The following FHIP1B variants were observed in gnomAD, a reference collection of about 807,000 sequenced individuals.
The protein encoded by FHIP1B is FHF complex subunit HOOK interacting protein 1B.
FHIP1B carries 28 observed loss-of-function variants against 82.2 expected under a neutral mutation model. That is an observed-to-expected ratio of 0.34 (90% confidence interval 0.25 to 0.47). The LOEUF (loss-of-function observed/expected upper bound fraction) is 0.47, where lower values mean the gene tolerates loss of function less well. Among genes scored for constraint, FHIP1B ranks in the 20% least tolerant of loss-of-function variants. The pLI, the probability that FHIP1B is intolerant of heterozygous loss-of-function variation, is 1.00. For synonymous variants in FHIP1B, 585 were observed against 516.1 expected (o/e 1.13, Z -1.81); for missense variants, 1,110 against 1,262.6 (o/e 0.88, Z 1.83).
Position 6,223,195 on chromosome 11 carries a change from C to T in FHIP1B, c.821G>A (p.Arg274Gln). Residue 274 changes from arginine (R) to glutamine (Q), a missense_variant, in exon 4 of 12, where the codon CGA (arginine) becomes CAA (glutamine). By Grantham distance (43) the Arg-to-Gln change is conservative (BLOSUM62 1). This residue lies in a region of FHIP1B where 467 missense variants were observed against 602.9 expected (regional missense o/e 0.77). Transcript: ENST00000449352. This position sits in a 1 kb window ranked among gnomAD's most constrained non-coding sequence, Gnocchi z 4.8. ...ATCATCCCCTGGAACCTCAATCTTT[C>T]GAGGCAGTGATGAGTACAGGGCACT... ...GLSALYSSLP[R>Q]KIEVPGDDWH... The T allele has an allele frequency of 1.9e-6, 3 of 1,605,770 alleles. No homozygotes were observed. The highest frequency in any genetic ancestry group is 8.5e-7 in the Non-Finnish European group (1 of 1,178,080).
intron 1 of FHIP1B, among the ~76,000 whole-genome samples, chr11:6,229,464 G>C (rs976256980): frequency 3.3e-5 from 5 of 152,176 alleles, no homozygotes; most frequent in African/African-American, 1.2e-4. Flanking sequence ...ACTGAGAAAA[G>C]AGATATAACC....
Position 6,219,052 on chromosome 11 carries a change from T to TG in FHIP1B, c.1192-3dup, listed in dbSNP as rs760167191. On this transcript the variant is annotated splice_polypyrimidine_tract_variant and splice_region_variant and intron_variant, in intron 6 of 11. Coordinates refer to ENST00000449352, the MANE Select transcript of FHIP1B (RefSeq NM_001098794.2). The stretch of plus-strand genomic sequence containing the variant: ...GAGACTCAGAGAGACCATGCAGAGC[T>TG]GGGGGGGTGGAGGGGAGGGAGGGAG... 93 of 1,600,362 alleles carry TG rather than the reference T, an allele frequency of 5.8e-5. No homozygotes were observed. The highest frequency in any genetic ancestry group is 1.3e-4 in the East Asian group (6 of 44,704).
intron 6 of FHIP1B, among the ~76,000 whole-genome samples, chr11:6,221,107 T>C (rs17238860): frequency 0.04 from 6,105 of 152,292 alleles, 129 homozygotes; most frequent in Non-Finnish European, 0.046. Flanking sequence ...CTTCAAAGAT[T>C]CACAGACGTT....
chr11:6,214,324 C>T lies in FHIP1B; in HGVS notation c.2557+87G>A, dbSNP rs962828528. 6 of 1,448,000 alleles carry T rather than the reference C, an allele frequency of 4.1e-6. No homozygotes were observed. In the African/African-American group the frequency reaches 7.1e-5, roughly 17 times the overall value. The allele number at this position is 1,448,000 out of a possible 1,614,324, so 89.7% of individuals were successfully genotyped here. A position where few individuals can be genotyped will look rare whatever the true frequency, so the allele number is the denominator to read the frequency against. On this transcript the variant is annotated intron_variant, in intron 11 of 11. Transcript: ENST00000449352. The stretch of plus-strand genomic sequence containing the variant: ...TACAACTCACTAGGTCCTGGCACAA[C>T]ATTTCACTCTTAATAAGAGCTCAAT...
intron 6 of FHIP1B, among the ~76,000 whole-genome samples, chr11:6,221,327 T>C (rs1428594056): frequency 2.0e-5 from 3 of 151,816 alleles, no homozygotes; most frequent in Non-Finnish European, 2.9e-5. Context: ...AACACATGGA[T>C]CCAGGAAACT....
intron 11 of FHIP1B, among the ~76,000 whole-genome samples, chr11:6,213,029 T>G (rs577513342): frequency 6.6e-6 from 1 of 152,358 alleles, no homozygotes; most frequent in South Asian, 2.1e-4. Flanking sequence ...TTTCTATGTC[T>G]TCTACCTCAT....
At chr11:6,227,310 TTAAA>T (rs1452891237) in intron 1 of FHIP1B, among the ~76,000 whole-genome samples, 3 of 152,038 alleles carry the variant, frequency 2.0e-5, no homozygotes, top group African/African-American at 7.3e-5. Context: ...CCCAGAGAGG[TTAAA>T]TAAATTGCCC....
At position 6,223,650 on chromosome 11, in the gene FHIP1B, G is replaced by A. The variant is rs371927425; in HGVS notation, c.737C>T (p.Thr246Ile). ...LLMALSAGSPTVGRYIADHSY... is the reference protein window; with the variant it reads ...LLMALSAGSPIVGRYIADHSY... The stretch of plus-strand genomic sequence containing the variant: ...GTGATCCGCGATGTAGCGGCCCACA[G>A]TGGGGCTCCCAGCTGACAAAGCCAT... The change falls in exon 3 of 12, where the codon ACT (threonine) becomes ATT (isoleucine). Residue 246 changes from threonine (T) to isoleucine (I), a missense_variant. Physicochemically the swap from Thr to Ile is moderately conservative, Grantham distance 89. This residue lies in a region of FHIP1B where 467 missense variants were observed against 602.9 expected (regional missense o/e 0.77). Transcript: ENST00000449352. The surrounding 1 kb of genome is among the most constrained non-coding windows in gnomAD (Gnocchi z 4.8). 5.0e-6 allele frequency: 8 copies of A among 1,610,436 alleles called. No individual in the cohort carries two copies. Among genetic ancestry groups the A allele is most frequent in the Non-Finnish European group, 6.8e-6 (8 of 1,177,968 alleles).
In FHIP1B at chr11:6,217,478, T is replaced by G. The variant is rs1049096279; in HGVS notation, c.2108A>C (p.Glu703Ala). ...GAAGCTCTCGTAGGCCTCCTCCTCC[T>G]CAAGGGGCAGTGGAGGTTCTAAGGG... ...ESPLEPPLPL[E>A]EEEAYESFTC... Residue 703 changes from glutamate to alanine, a missense_variant, in exon 9 of 12, where the codon GAG becomes GCG. Around this residue, in one of 6 missense-constraint regions of FHIP1B, gnomAD observed 418 missense variants for 371.4 expected, o/e 1.13. Coordinates refer to ENST00000449352, the MANE Select transcript of FHIP1B (RefSeq NM_001098794.2). 6.2e-7 allele frequency: 1 copy of G among 1,613,484 alleles called. No homozygotes were observed. Among genetic ancestry groups the G allele is most frequent in the Non-Finnish European group, 8.5e-7 (1 of 1,179,734 alleles).
In FHIP1B at chr11:6,217,932, G is replaced by C; in HGVS notation, c.1654C>G (p.Leu552Val). 1 of 1,612,920 alleles carries C rather than the reference G, an allele frequency of 6.2e-7. No individual in the cohort carries two copies. Among genetic ancestry groups the C allele is most frequent in the Non-Finnish European group, 8.5e-7 (1 of 1,180,028 alleles). Residue 552 changes from leucine to valine, a missense_variant, in exon 9 of 12, where the codon CTG (leucine) becomes GTG (valine). Physicochemically the swap from Leu to Val is conservative, Grantham distance 32. Transcript: ENST00000449352. ...EEPGELEDNY[L>V]EYLREARRGV... ...CGACGTGCCTCACGCAGATACTCCA[G>C]GTAATTGTCTTCCAGCTCTCCAGGC...
intron 1 of FHIP1B, among the ~76,000 whole-genome samples, chr11:6,227,639 A>C (rs1847596668): frequency 6.6e-6 from 1 of 152,230 alleles, no homozygotes; most frequent in Admixed American, 6.5e-5. Flanking sequence ...GAATAAAATC[A>C]AGACAAAAGA....
At position 6,211,759 on chromosome 11, in the gene FHIP1B, G is replaced by C; in HGVS notation, c.2666C>G (p.Ala889Gly). 1 of 1,614,220 alleles carries C rather than the reference G, an allele frequency of 6.2e-7. No individual in the cohort carries two copies. Among genetic ancestry groups the C allele is most frequent in the Middle Eastern group, 1.6e-4 (1 of 6,062 alleles). The stretch of plus-strand genomic sequence containing the variant: ...GGAGCCCCCACTTAGGCCAAGTCCT[G>C]CTCCGTCTCGCCCAGGCTGAAGGAC... ...QLVLQPGRDG[A>G]GLGLSGGSPG... Residue 889 changes from alanine (A) to glycine (G), a missense_variant, in exon 12 of 12, where the codon GCA becomes GGA. Around this residue, in one of 6 missense-constraint regions of FHIP1B, gnomAD observed 147 missense variants for 154.0 expected, o/e 0.95. Coordinates refer to ENST00000449352, the MANE Select transcript of FHIP1B (RefSeq NM_001098794.2).
intron 11 of FHIP1B, among the ~76,000 whole-genome samples, chr11:6,213,055 C>G (rs1847117023): frequency 6.6e-6 from 1 of 152,194 alleles, no homozygotes; most frequent in Non-Finnish European, 1.5e-5. Flanking sequence ...AACCTGTGAA[C>G]TTAAGGGCCT....
chr11:6,225,343 C>T (rs1847534473), intron 1 of FHIP1B, among the ~76,000 whole-genome samples: 1 of 152,212 alleles, frequency 6.6e-6, no homozygotes, highest in African/African-American at 2.4e-5. Flanking sequence ...CTGCTTTTCA[C>T]ATTGCTGTCA....
At position 6,217,616 on chromosome 11, in the gene FHIP1B, G is replaced by C. The variant is rs751259355; in HGVS notation, c.1970C>G (p.Ala657Gly). 2.0e-5 allele frequency: 32 copies of C among 1,613,758 alleles called. No homozygotes were observed. The highest frequency in any genetic ancestry group is 2.6e-5 in the Non-Finnish European group (31 of 1,179,970). Residue 657 changes from alanine to glycine, a missense_variant, in exon 9 of 12, where the codon GCT (alanine) becomes GGT (glycine). Physicochemically the swap from Ala to Gly is moderately conservative, Grantham distance 60. Around this residue, in one of 6 missense-constraint regions of FHIP1B, gnomAD observed 418 missense variants for 371.4 expected, o/e 1.13. Coordinates refer to ENST00000449352, the MANE Select transcript of FHIP1B (RefSeq NM_001098794.2). ...KKVRLVPKEG[A>G]GELLEGISEG... ...GGAGATGCCCTCTAGCAGTTCCCCAGCTCCCTCCTTTGGCACCAGACGAAC... is the reference window on the plus strand; with the variant it reads ...GGAGATGCCCTCTAGCAGTTCCCCACCTCCCTCCTTTGGCACCAGACGAAC...
chr11:6,233,989 G>A (rs1011708782), intron 1 of FHIP1B, among the ~76,000 whole-genome samples: 1 of 152,130 alleles, frequency 6.6e-6, no homozygotes, highest in African/African-American at 2.4e-5. Context: ...CCAGAATATG[G>A]AAAGTCCATG....
rs556843386 is a variant in FHIP1B at position 6,234,199 on chromosome 11, G to A, written c.-192+345C>T. ...CTCACCAATTTGCCGCCACCCCGCA[G>A]GCTCCCACCTGCGCCTTTTACTCTC... On this transcript the variant is annotated intron_variant, in intron 1 of 11. Coordinates refer to ENST00000449352, the MANE Select transcript of FHIP1B (RefSeq NM_001098794.2). Among the ~76,000 whole-genome samples, 9 of 152,110 alleles carry A rather than the reference G, an allele frequency of 5.9e-5. No homozygotes were observed. In the South Asian group the frequency reaches 1.5e-3, roughly 25 times the overall value.
Position 6,218,777 on chromosome 11 carries a change from C to G in FHIP1B, c.1272-14G>C. 1 of 1,613,926 alleles carries G rather than the reference C, an allele frequency of 6.2e-7. No individual in the cohort carries two copies. Among genetic ancestry groups the G allele is most frequent in the Middle Eastern group, 1.6e-4 (1 of 6,062 alleles). ...GGAACAAGATACCTGAGAAAGACAT[C>G]AGAAAGGGGACACAGGGTAGATCAG... On this transcript the variant is annotated splice_polypyrimidine_tract_variant and intron_variant, in intron 7 of 11. Transcript: ENST00000449352.
At chr11:6,228,018 T>C (rs965196653) in intron 1 of FHIP1B, among the ~76,000 whole-genome samples, 2 of 152,222 alleles carry the variant, frequency 1.3e-5, no homozygotes, top group Non-Finnish European at 2.9e-5. Context: ...AAATGTAAGA[T>C]GTACTTTCAG....
Sources: allele counts gnomAD v4.1 joint callset (sites outside exome capture counted in the v4.1 genomes callset), GRCh38; gene constraint gnomAD v4.1.1; regional missense constraint gnomAD v4.1.1; non-coding constraint Gnocchi (gnomAD v3.1); transcripts MANE v1.5; gene names NCBI Gene and HGNC (gene_info 2026-07-23, HGNC 2026-07-21).